Variants in TMEM132C observed in about 807,000 individuals in gnomAD.
The protein encoded by TMEM132C is protein phosphatase 1, regulatory subunit 152.
In TMEM132C, 29 loss-of-function variants were observed where a neutral mutation model predicts 61.4. The ratio of observed to expected loss-of-function variants is 0.47; its 90% CI spans 0.35 to 0.64. The LOEUF is 0.64. TMEM132C is among the 30% of genes least tolerant of loss of function. TMEM132C has a pLI of 0.00. For missense variants in TMEM132C, 1,408 were observed against 1,476.9 expected, an observed-to-expected ratio of 0.95 and a Z score of 0.76; for synonymous variants, 656 against 633.1, an observed-to-expected ratio of 1.04 and a Z score of -0.54.
At chr12:128,547,398 A>AT (rs1399395833) in intron 3 of TMEM132C, among the ~76,000 whole-genome samples, 1 of 70,438 alleles carries the variant, frequency 1.4e-5, no homozygotes, top group Non-Finnish European at 3.7e-5. Context: ...TACTAAAAAT[A>AT]CAAAAAAAAA....
chr12:128,421,731 C>A (rs1430264325), intron 2 of TMEM132C, among the ~76,000 whole-genome samples: 10 of 152,242 alleles, frequency 6.6e-5, no homozygotes, highest in Middle Eastern at 6.8e-3. Flanking sequence ...GAAGATGGAA[C>A]CTTTGTTTCT....
At chr12:128,294,846 CAT>C (rs1871352755) in intron 1 of TMEM132C, among the ~76,000 whole-genome samples, 1 of 152,144 alleles carries the variant, frequency 6.6e-6, no homozygotes, top group South Asian at 2.1e-4. Flanking sequence ...GATTTCAACA[CAT>C]GAATTTTCAA....
chr12:128,326,936 G>T lies in TMEM132C; in HGVS notation c.85+59449G>T, dbSNP rs886190495. Among the ~76,000 whole-genome samples the T allele has an allele frequency of 6.7e-6, 1 of 149,844 alleles. No individual in the cohort carries two copies. Among genetic ancestry groups the T allele is most frequent in the African/African-American group, 2.5e-5 (1 of 39,234 alleles). ...AAGCTCAAGATTAGCCGTGTCGTAG[G>T]GGGAAAATGTTAGAACGACTATTTA... On this transcript the variant is annotated intron_variant, in intron 1 of 8. Coordinates refer to ENST00000435159, the MANE Select transcript of TMEM132C (RefSeq NM_001136103.3). The surrounding 1 kb of genome is among the most constrained non-coding windows in gnomAD (Gnocchi z 5.6).
intron 2 of TMEM132C, among the ~76,000 whole-genome samples, chr12:128,435,154 C>G (rs925995306): frequency 6.6e-6 from 1 of 152,140 alleles, no homozygotes; most frequent in Non-Finnish European, 1.5e-5. Flanking sequence ...TAAGAAGGAA[C>G]CAACTTTGCC....
rs575750856 is a variant in TMEM132C at position 128,431,624 on chromosome 12, G to A, written c.974+16004G>A. Reference sequence around the variant, plus strand: ...AGCTGGAGTGCAGTGGCACGATCTCGGCTCACTGCAACCTCTGCCTCTCGG... The same window carrying A: ...AGCTGGAGTGCAGTGGCACGATCTCAGCTCACTGCAACCTCTGCCTCTCGG... On this transcript the variant is annotated intron_variant, in intron 2 of 8. Coordinates refer to ENST00000435159, the MANE Select transcript of TMEM132C (RefSeq NM_001136103.3). Among the ~76,000 whole-genome samples, 7 of 137,748 alleles carry A rather than the reference G, an allele frequency of 5.1e-5. No individual in the cohort carries two copies. The South Asian group carries it at 9.5e-4, about 19-fold the overall frequency. 90.4% of individuals were successfully genotyped at this position (137,748 alleles called of 152,430 possible). A position where few individuals can be genotyped will look rare whatever the true frequency, so the allele number is the denominator to read the frequency against.
chr12:128,701,507 G>A (rs373599376), intron 8 of TMEM132C, among the ~76,000 whole-genome samples: 3 of 152,322 alleles, frequency 2.0e-5, no homozygotes, highest in East Asian at 3.9e-4. Context: ...ATGCTCAAAC[G>A]ATGTCATCAG....
intron 2 of TMEM132C, among the ~76,000 whole-genome samples, chr12:128,474,792 A>T (rs1871101563): frequency 6.6e-6 from 1 of 152,130 alleles, no homozygotes; most frequent in African/African-American, 2.4e-5. Flanking sequence ...TGAAAACCTC[A>T]CAGTGGCAAG....
chr12:128,580,541 G>C (rs1366888852), intron 3 of TMEM132C, among the ~76,000 whole-genome samples: 1 of 152,228 alleles, frequency 6.6e-6, no homozygotes, highest in Non-Finnish European at 1.5e-5. Context: ...CAAGGTCACG[G>C]TCCAACGTGG....
chr12:128,416,957 G>A (rs1868801941), intron 2 of TMEM132C, among the ~76,000 whole-genome samples: 1 of 152,158 alleles, frequency 6.6e-6, no homozygotes, highest in Admixed American at 6.5e-5. Context: ...AACCTTGGTG[G>A]TCAGTGAGGG....
chr12:128,697,519 AC>A, intron 8 of TMEM132C, 104 bp downstream of exon 8: 1 of 1,178,412 alleles, frequency 8.5e-7, no homozygotes, highest in Non-Finnish European at 1.2e-6. Context: ...GGTTAGCAGA[AC>A]CATGTTCCAC....
At chr12:128,501,264 C>T (rs935130050) in intron 2 of TMEM132C, among the ~76,000 whole-genome samples, 21 of 152,296 alleles carry the variant, frequency 1.4e-4, no homozygotes, top group Admixed American at 1.2e-3. Flanking sequence ...CCTTAGGCCA[C>T]TCGAGATAGT....
intron 1 of TMEM132C, among the ~76,000 whole-genome samples, chr12:128,313,352 A>G (rs554880688): frequency 4.0e-4 from 61 of 152,308 alleles, no homozygotes; most frequent in Non-Finnish European, 6.6e-4. Flanking sequence ...AAATGGCAGA[A>G]TCAGCCTTGG....
chr12:128,484,325 G>A (rs1422028771), intron 2 of TMEM132C, among the ~76,000 whole-genome samples: 1 of 152,150 alleles, frequency 6.6e-6, no homozygotes, highest in Non-Finnish European at 1.5e-5. Flanking sequence ...CATGGGGGAG[G>A]AAGGGCCCCC....
At chr12:128,418,372 G>A (rs1009110069) in intron 2 of TMEM132C, among the ~76,000 whole-genome samples, 2 of 152,012 alleles carry the variant, frequency 1.3e-5, no homozygotes, top group Admixed American at 6.6e-5. Flanking sequence ...TCAGAGTCTC[G>A]GCTTAATTTG....
chr12:128,418,072 A>G (rs1349201995), intron 2 of TMEM132C, among the ~76,000 whole-genome samples: 2 of 152,016 alleles, frequency 1.3e-5, no homozygotes, highest in Non-Finnish European at 2.9e-5. Flanking sequence ...GAGAAGATCC[A>G]CCTCACTCCC....
chr12:128,316,119 T>C (rs1312213095), intron 1 of TMEM132C, among the ~76,000 whole-genome samples: 3 of 151,912 alleles, frequency 2.0e-5, no homozygotes, highest in African/African-American at 7.3e-5. Context: ...GGAGTACTTT[T>C]GTAGGTTTAT....
chr12:128,397,057 A>G lies in TMEM132C; in HGVS notation c.86-17675A>G, dbSNP rs936091667. On this transcript the variant is annotated intron_variant, in intron 1 of 8. Transcript: ENST00000435159. ...CACTCAGAGGCTTCAGTGCCTTCCA[A>G]TCAGGTGCCCCCACCATACATCAGC... 2.0e-5 allele frequency among the ~76,000 whole-genome samples: 3 copies of G among 152,126 alleles called. No individual in the cohort carries two copies. The South Asian group carries it at 6.2e-4, about 32-fold the overall frequency.
intron 2 of TMEM132C, among the ~76,000 whole-genome samples, chr12:128,469,573 G>A (rs1366069223): frequency 6.6e-6 from 1 of 151,910 alleles, no homozygotes; most frequent in Non-Finnish European, 1.5e-5. Context: ...CAGCTTTACA[G>A]CCATGAGCCA....
chr12:128,290,050 A>C (rs1871204284), intron 1 of TMEM132C, among the ~76,000 whole-genome samples: 1 of 152,188 alleles, frequency 6.6e-6, no homozygotes, highest in Non-Finnish European at 1.5e-5. Context: ...GGCTTCCAGA[A>C]AAGGTGGAGG....
Sources: allele counts gnomAD v4.1 joint callset (sites outside exome capture counted in the v4.1 genomes callset), GRCh38; gene constraint gnomAD v4.1.1; non-coding constraint Gnocchi (gnomAD v3.1); transcripts MANE v1.5; gene names NCBI Gene and HGNC (gene_info 2026-07-23, HGNC 2026-07-21).